Variants in GABRB2 observed in about 807,000 individuals in gnomAD.
GABRB2 encodes gamma-aminobutyric acid receptor subunit beta-2.
In GABRB2, 16 loss-of-function variants were observed where a neutral mutation model predicts 54.7. The observed-to-expected ratio is 0.29, with a 90% CI of 0.20 to 0.44. The LOEUF is 0.44. Ranked by LOEUF, GABRB2 falls within the 20% of genes least tolerant of loss-of-function variation. The pLI is 1.00. For missense variants in GABRB2, 355 were observed against 644.0 expected (o/e 0.55, Z 4.86); for synonymous variants, 244 against 233.8 (o/e 1.04, Z -0.40).
At chr5:161,491,350 T>C (rs1759088178) in intron 3 of GABRB2, among the ~76,000 whole-genome samples, 1 of 151,696 alleles carries the variant, frequency 6.6e-6, no homozygotes, top group African/African-American at 2.4e-5. Context: ...TACCATTAGT[T>C]AGCGTTCCTT....
chr5:161,324,449 G>A (rs757327646), intron 9 of GABRB2, among the ~76,000 whole-genome samples: 6 of 152,072 alleles, frequency 3.9e-5, no homozygotes, highest in African/African-American at 9.7e-5. Flanking sequence ...ACATAAGGCC[G>A]TTGGTATAAT....
chr5:161,518,981 C>T (rs147298538), intron 3 of GABRB2, among the ~76,000 whole-genome samples: 30 of 152,262 alleles, frequency 2.0e-4, no homozygotes, highest in African/African-American at 6.7e-4. Context: ...AACCTCACAA[C>T]GACCACCTTT....
At chr5:161,303,714 C>T (rs1757602786) in intron 9 of GABRB2, among the ~76,000 whole-genome samples, 1 of 152,174 alleles carries the variant, frequency 6.6e-6, no homozygotes, top group African/African-American at 2.4e-5. Context: ...AGAACTGACA[C>T]CCCTTTGCCT....
chr5:161,525,089 T>C (rs770420439), intron 3 of GABRB2, among the ~76,000 whole-genome samples: 1 of 151,346 alleles, frequency 6.6e-6, no homozygotes, highest in Non-Finnish European at 1.5e-5. Context: ...GCAAGCCATA[T>C]AGTCTCTCTT....
At chr5:161,431,285 CTT>C (rs894384500) in intron 4 of GABRB2, among the ~76,000 whole-genome samples, 5 of 152,084 alleles carry the variant, frequency 3.3e-5, no homozygotes, top group Admixed American at 6.6e-5. Context: ...GCTAACCACT[CTT>C]ATCATCATTA....
intron 3 of GABRB2, among the ~76,000 whole-genome samples, chr5:161,491,580 T>C (rs1383807141): frequency 6.6e-6 from 1 of 151,620 alleles, no homozygotes; most frequent in Non-Finnish European, 1.5e-5. Context: ...CCATCAATAC[T>C]GCAATGATTG....
intron 3 of GABRB2, among the ~76,000 whole-genome samples, chr5:161,494,538 C>CGTGTGTGT (rs35292247): frequency 4.1e-5 from 6 of 146,142 alleles, no homozygotes; most frequent in East Asian, 4.1e-4. Context: ...GTTAGGTATG[C>CGTGTGTGT]GTGTGTGTGT....
intron 9 of GABRB2, among the ~76,000 whole-genome samples, chr5:161,321,917 T>C (rs1758222103): frequency 6.6e-6 from 1 of 152,170 alleles, no homozygotes; most frequent in South Asian, 2.1e-4. Context: ...TATTTATTAA[T>C]TTCAAACGGT....
At chr5:161,295,826 A>G in intron 9 of GABRB2, among the ~76,000 whole-genome samples, 1 of 152,228 alleles carries the variant, frequency 6.6e-6, no homozygotes, top group East Asian at 1.9e-4. Context: ...TTATGGTATC[A>G]TTTTGCTTAG....
chr5:161,379,942 A>G (rs553802099), intron 5 of GABRB2, among the ~76,000 whole-genome samples: 60 of 152,266 alleles, frequency 3.9e-4, no homozygotes, highest in Admixed American at 2.6e-4. Context: ...ACAAGATGCA[A>G]AAAGAGGGGC....
chr5:161,496,333 C>A (rs956354522), intron 3 of GABRB2, among the ~76,000 whole-genome samples: 2 of 152,044 alleles, frequency 1.3e-5, no homozygotes, highest in African/African-American at 4.8e-5. Context: ...TATTTTGATT[C>A]ATTTTTTAAT....
intron 8 of GABRB2, chr5:161,329,895 A>G (rs2113395656): frequency 6.6e-6 from 1 of 152,330 alleles, no homozygotes; most frequent in Middle Eastern, 3.4e-3. Context: ...TTAGTGCAGC[A>G]AGTGCTATAA....
At chr5:161,515,288 A>T (rs1362321505) in intron 3 of GABRB2, among the ~76,000 whole-genome samples, 1 of 152,166 alleles carries the variant, frequency 6.6e-6, no homozygotes, top group Non-Finnish European at 1.5e-5. Context: ...TTTTAAAAAA[A>T]ATTCAAAAGT....
At chr5:161,311,702 A>C (rs1757873362) in intron 9 of GABRB2, among the ~76,000 whole-genome samples, 1 of 152,224 alleles carries the variant, frequency 6.6e-6, no homozygotes, top group African/African-American at 2.4e-5. Flanking sequence ...TATTTAATTT[A>C]GTCCACAGAT....
Position 161,334,714 on chromosome 5 carries a change from C to A in GABRB2, c.832+38G>T, listed in dbSNP as rs768715586. 5.0e-6 allele frequency: 8 copies of A among 1,607,500 alleles called. No individual in the cohort carries two copies. In the Middle Eastern group the frequency reaches 5.0e-4, roughly 100 times the overall value. On this transcript the variant is annotated intron_variant, in intron 7 of 9. Transcript: ENST00000393959. The stretch of plus-strand genomic sequence containing the variant: ...GCATGCGAACACAGAAATGTACACA[C>A]AGAGTCAAAATCCACAAGCAGTAAT...
intron 5 of GABRB2, among the ~76,000 whole-genome samples, chr5:161,366,587 C>T (rs532224330): frequency 4.6e-5 from 7 of 152,180 alleles, no homozygotes; most frequent in African/African-American, 1.4e-4. Flanking sequence ...GGTAAGTGCT[C>T]AATTAACTGT....
At chr5:161,379,911 A>G (rs1013818415) in intron 5 of GABRB2, among the ~76,000 whole-genome samples, 11 of 152,102 alleles carry the variant, frequency 7.2e-5, no homozygotes, top group Non-Finnish European at 1.3e-4. Flanking sequence ...ATATGGAGGA[A>G]AATCCTGAAG....
chr5:161,417,612 A>G (rs1756717355), intron 4 of GABRB2, among the ~76,000 whole-genome samples: 1 of 152,184 alleles, frequency 6.6e-6, no homozygotes, highest in Non-Finnish European at 1.5e-5. Context: ...AATACATTAC[A>G]TGTTCTGTGA....
rs1759704426 is a variant in GABRB2, at chr5:161,509,580, CTATCG to C, written c.237+35642_237+35646del. On this transcript the variant is annotated intron_variant, in intron 3 of 9. Transcript: ENST00000393959. ...TGTCGATTTCTGTACTCATGGCACT[CTATCG>C]TATCATTTATTTACACATCTCTGCT... Among the ~76,000 whole-genome samples the C allele has an allele frequency of 3.3e-5, 5 of 152,128 alleles. No individual in the cohort carries two copies. The South Asian group carries it at 1.0e-3, about 31-fold the overall frequency.
Sources: allele counts gnomAD v4.1 joint callset (sites outside exome capture counted in the v4.1 genomes callset), GRCh38; gene constraint gnomAD v4.1.1; transcripts MANE v1.5; gene names NCBI Gene and HGNC (gene_info 2026-07-23, HGNC 2026-07-21).